PHYHD1: variants seen among roughly 807,000 people sequenced by gnomAD.
PHYHD1 encodes the protein phytanoyl-CoA dioxygenase domain-containing protein 1.
In PHYHD1, 42 loss-of-function variants were observed where a neutral mutation model predicts 43.6. The ratio of observed to expected loss-of-function variants is 0.96; its 90% CI spans 0.75 to 1.25. PHYHD1 has a LOEUF of 1.25. PHYHD1 is among the 50% of genes most tolerant of loss of function. The probability of loss-of-function intolerance (pLI) is 0.00; values close to 1 mark genes in which losing one functional copy is unlikely to be tolerated. For missense variants in PHYHD1, 342 were observed against 370.8 expected, an observed-to-expected ratio of 0.92 and a Z score of 0.64; for synonymous variants, 139 against 143.6, an observed-to-expected ratio of 0.97 and a Z score of 0.23.
At chr9:128,925,098 A>G (rs1419697970) in intron 3 of PHYHD1, among the ~76,000 whole-genome samples, 1 of 152,142 alleles carries the variant, frequency 6.6e-6, no homozygotes, top group Non-Finnish European at 1.5e-5. Flanking sequence ...TGAGGGGCCC[A>G]TGGTGGGTGG....
intron 9 of PHYHD1, 21 bp from the exon 10 acceptor site, chr9:128,940,348 A>G (rs763655611): frequency 4.3e-6 from 7 of 1,612,846 alleles, no homozygotes; most frequent in Non-Finnish European, 5.1e-6. Flanking sequence ...TGAGCTCCTC[A>G]CCCCCCGTGG....
intron 3 of PHYHD1, among the ~76,000 whole-genome samples, chr9:128,923,169 C>G (rs1841046213): frequency 1.3e-5 from 2 of 152,238 alleles, no homozygotes; most frequent in South Asian, 4.1e-4. Context: ...GTCTTGAACT[C>G]TTGACCTCAA....
intron 4 of PHYHD1, among the ~76,000 whole-genome samples, chr9:128,929,660 G>A (rs373764214): frequency 1.6e-4 from 25 of 151,720 alleles, no homozygotes; most frequent in South Asian, 8.3e-4. Context: ...GTGACAGAGC[G>A]AGATTCTATC....
In PHYHD1 at chr9:128,940,668, A is replaced by G. The variant is rs373077992; in HGVS notation, c.656A>G (p.Glu219Gly). Residue 219 changes from glutamate (E) to glycine (G), a missense_variant, in exon 11 of 13, where the codon GAG becomes GGG. Transcript: ENST00000372592. ...CCTGGTACCAGCTTCCTTGGGTCAGAGCCAGCCCGGGATAACAGCCTCTTT... is the reference window on the plus strand; with the variant it reads ...CCTGGTACCAGCTTCCTTGGGTCAGGGCCAGCCCGGGATAACAGCCTCTTT... ...SAPGTSFLGS[E>G]PARDNSLFVP... 6 of 1,613,990 alleles carry G rather than the reference A, an allele frequency of 3.7e-6. No homozygotes were observed. The highest frequency in any genetic ancestry group is 5.1e-6 in the Non-Finnish European group (6 of 1,180,042).
chr9:128,921,931 T>G lies in PHYHD1; in HGVS notation c.-158T>G. On this transcript the variant is annotated splice_region_variant and 5_prime_UTR_variant, in exon 2 of 13. Transcript: ENST00000372592. Reference sequence around the variant, plus strand: ...AACCCTGCATCCCATTCTATCCAGATTGAGGCCTAGAGAGAGGCAGGCGTT... The same window carrying G: ...AACCCTGCATCCCATTCTATCCAGAGTGAGGCCTAGAGAGAGGCAGGCGTT... 8.6e-6 allele frequency: 2 copies of G among 232,130 alleles called. No homozygotes were observed. The highest frequency in any genetic ancestry group is 5.7e-5 in the Admixed American group (1 of 17,528). The allele number at this position is 232,130 out of a possible 1,614,324, so 14.4% of individuals were successfully genotyped here.
intron 2 of PHYHD1, 37 bp from the exon 3 acceptor site, chr9:128,922,246 G>A: frequency 6.5e-7 from 1 of 1,532,280 alleles, no homozygotes. Context: ...GAAGGGTTAA[G>A]TCCTCCCAGG....
chr9:128,927,116 G>T lies in PHYHD1; in HGVS notation c.112G>T (p.Glu38Ter), dbSNP rs143105617. ...TGTGGCCATGCAACAAAGGATTGGCGAGATAGTGGCTGAAATGGATGTTCC... is the reference window on the plus strand; with the variant it reads ...TGTGGCCATGCAACAAAGGATTGGCTAGATAGTGGCTGAAATGGATGTTCC... ...ECVAMQQRIG[E>*]IVAEMDVPLH... Residue 38 changes from glutamate (E) to a stop codon, truncating the protein, a stop_gained, in exon 4 of 13, where the codon GAG becomes TAG. Transcript: ENST00000372592. LOFTEE classifies it high-confidence loss of function. 1.3e-4 allele frequency: 212 copies of T among 1,614,034 alleles called. No individual in the cohort carries two copies. The highest frequency in any genetic ancestry group is 1.7e-4 in the Non-Finnish European group (202 of 1,180,028).
In PHYHD1 at chr9:128,932,184, A is replaced by AT. The variant is rs1258300033; in HGVS notation, c.193-1586dup. Among the ~76,000 whole-genome samples, 378 of 108,652 alleles carry AT rather than the reference A, an allele frequency of 3.5e-3. 5 individuals are homozygous for AT. The highest frequency in any genetic ancestry group is 0.011 in the African/African-American group (261 of 23,906). 71.3% of individuals were successfully genotyped at this position (108,652 alleles called of 152,430 possible). A position where few individuals can be genotyped will look rare whatever the true frequency, so the allele number is the denominator to read the frequency against. ...TATTATTATTGTTATTATTATTATT[A>AT]TTTTTTTTTTTTGAGATGGAGTCTC... On this transcript the variant is annotated intron_variant, in intron 4 of 12. Transcript: ENST00000372592.
chr9:128,936,693 A>T, intron 8 of PHYHD1, 48 bp downstream of exon 8: 1 of 1,529,746 alleles, frequency 6.5e-7, no homozygotes, highest in Non-Finnish European at 8.9e-7. Flanking sequence ...AAATGGGCAG[A>T]CTGCTCATAC....
rs372846213 is a variant in PHYHD1 at position 128,936,456 on chromosome 9, G to A, written c.325G>A (p.Ala109Thr). Residue 109 changes from alanine (A) to threonine (T), a missense_variant, in exon 7 of 13, where the codon GCC becomes ACC. Transcript: ENST00000372592. The stretch of plus-strand genomic sequence containing the variant: ...TTCCTTCTGTCCCATAGCTCTGCAC[G>A]CCCACGACCCCGTCTTCAAGAGCAT... ...SINKIGHALHAHDPVFKSITH... is the reference protein window; with the variant it reads ...SINKIGHALHTHDPVFKSITH... The A allele has an allele frequency of 7.3e-5, 117 of 1,612,768 alleles. No homozygotes were observed. In the Middle Eastern group the frequency reaches 1.5e-3, roughly 21 times the overall value.
At chr9:128,929,627 T>C (rs1009163849) in intron 4 of PHYHD1, among the ~76,000 whole-genome samples, 2 of 151,126 alleles carry the variant, frequency 1.3e-5, no homozygotes, top group African/African-American at 4.9e-5. Flanking sequence ...GAGCTGAGAT[T>C]GTGCCACTGC....
At chr9:128,936,538 G>T in intron 7 of PHYHD1, 35 bp downstream of exon 7, 2 of 1,611,436 alleles carry the variant, frequency 1.2e-6, no homozygotes, top group Non-Finnish European at 8.5e-7. Flanking sequence ...CAGGAGGGTG[G>T]GCCATGTGTG....
intron 4 of PHYHD1, among the ~76,000 whole-genome samples, chr9:128,932,417 G>A (rs1841314705): frequency 1.3e-5 from 2 of 151,684 alleles, no homozygotes; most frequent in Non-Finnish European, 2.9e-5. Flanking sequence ...GCCCAGGGTG[G>A]AGTGCAATGG....
chr9:128,922,586 C>T (rs1438317429), intron 3 of PHYHD1, among the ~76,000 whole-genome samples: 1 of 152,140 alleles, frequency 6.6e-6, no homozygotes, highest in Non-Finnish European at 1.5e-5. Flanking sequence ...TGTGTTTGAC[C>T]AAAAACGAGA....
chr9:128,927,305 G>A, intron 4 of PHYHD1, 109 bp downstream of exon 4: 1 of 1,395,414 alleles, frequency 7.2e-7, no homozygotes, highest in Non-Finnish European at 9.9e-7. Context: ...AGGGTGTCAG[G>A]CCAAGCCCCT....
chr9:128,923,700 C>T (rs1017472019), intron 3 of PHYHD1, among the ~76,000 whole-genome samples: 17 of 152,120 alleles, frequency 1.1e-4, no homozygotes, highest in African/African-American at 3.6e-4. Context: ...CCTCCTAAAA[C>T]AATTCCTAGC....
At chr9:128,939,758 A>G (rs1841510223) in intron 9 of PHYHD1, among the ~76,000 whole-genome samples, 1 of 117,878 alleles carries the variant, frequency 8.5e-6, no homozygotes, top group Non-Finnish European at 2.0e-5. Flanking sequence ...GAGTTCAAGC[A>G]ATTCTTCTGT....
At position 128,937,738 on chromosome 9, in the gene PHYHD1, CTT is replaced by C; in HGVS notation, c.436-16_436-15del. ...TCTGCTCTCTTCTGTCCTCACCAGG[CTT>C]TTCCTCTCTCTTGCAGCAACCTCAC... On this transcript the variant is annotated splice_polypyrimidine_tract_variant and intron_variant, in intron 8 of 12. Coordinates refer to ENST00000372592, the MANE Select transcript of PHYHD1 (RefSeq NM_001100876.2). 1 of 1,613,856 alleles carries C rather than the reference CTT, an allele frequency of 6.2e-7. No homozygotes were observed.
Position 128,922,562 on chromosome 9 carries a change from G to C in PHYHD1, c.33+206G>C, listed in dbSNP as rs561648274. On this transcript the variant is annotated intron_variant, in intron 3 of 12. Transcript: ENST00000372592. ...TAGATCACAGGACCCAGGGTAGGGT[G>C]GGGTGGGGACGTGTGTGTTTGACCA... 2.8e-3 allele frequency among the ~76,000 whole-genome samples: 425 copies of C among 152,284 alleles called. 8 individuals are homozygous for C. The highest frequency in any genetic ancestry group is 5.7e-4 in the Non-Finnish European group (39 of 68,028).
Sources: gnomAD v4.1 joint callset for allele counts (sites outside exome capture counted in the v4.1 genomes callset) on GRCh38, gnomAD v4.1.1 for gene constraint, MANE v1.5 for transcripts, NCBI Gene and HGNC (gene_info 2026-07-23, HGNC 2026-07-21) for gene names.